The following CADPS variants were observed in gnomAD, a reference collection of about 807,000 sequenced individuals.
CADPS encodes calcium dependent secretion activator.
In CADPS, 57 loss-of-function variants were observed where a neutral mutation model predicts 167.3. The ratio of observed to expected loss-of-function variants is 0.34; its 90% confidence interval spans 0.28 to 0.42. The LOEUF is 0.42. CADPS is among the 20% of genes least tolerant of loss of function. The probability of loss-of-function intolerance (pLI) is 1.00; values close to 1 mark genes in which losing one functional copy is unlikely to be tolerated. For missense variants in CADPS, 1,414 were observed against 1,738.1 expected (o/e 0.81, Z 3.32); for synonymous variants, 676 against 635.3 (o/e 1.06, Z -0.96).
chr3:62,581,426 A>G (rs930211167), intron 8 of CADPS, among the ~76,000 whole-genome samples: 1 of 149,216 alleles, frequency 6.7e-6, no homozygotes, highest in Non-Finnish European at 1.5e-5. Flanking sequence ...AAGGACATTA[A>G]ATTTTGAACC....
intron 9 of CADPS, among the ~76,000 whole-genome samples, chr3:62,558,952 G>T (rs774049027): frequency 1.3e-5 from 2 of 152,194 alleles, no homozygotes; most frequent in Non-Finnish European, 2.9e-5. Flanking sequence ...GGAAGGTTAA[G>T]AGTGTAGGCT....
chr3:62,677,522 A>G (rs778084782), intron 3 of CADPS, among the ~76,000 whole-genome samples: 1 of 152,078 alleles, frequency 6.6e-6, no homozygotes, highest in South Asian at 2.1e-4. Context: ...TGCCACTGCC[A>G]ATAGTGGGTA....
rs146998598 is a variant in CADPS, at chr3:62,874,712, C to G, written c.318G>C (p.Glu106Asp). Residue 106 changes from glutamate (E) to aspartate (D), a missense_variant, in exon 1 of 30, where the codon GAG becomes GAC. Around this residue, in one of 6 missense-constraint regions of CADPS, gnomAD observed 522 missense variants for 559.5 expected, o/e 0.93. Transcript: ENST00000383710. The surrounding 1 kb of genome is among the most constrained non-coding windows in gnomAD (Gnocchi z 7.1). Reference protein sequence around the residue: ...VVSEKEKEELERLQKEEEERK... With the variant: ...VVSEKEKEELDRLQKEEEERK... ...TCTCCTCCTCCTCTTTCTGCAGCCG[C>G]TCCAACTCTTCCTTCTCCTTCTCGC... The G allele has an allele frequency of 6.0e-4, 930 of 1,544,056 alleles. 5 individuals are homozygous for G. In the Admixed American group the frequency reaches 0.015, roughly 25 times the overall value.
chr3:62,464,866 G>T (rs922037545), intron 26 of CADPS, among the ~76,000 whole-genome samples: 7 of 151,786 alleles, frequency 4.6e-5, no homozygotes, highest in Non-Finnish European at 1.0e-4. Flanking sequence ...TGCTATGCAG[G>T]CACCCCCAGA....
chr3:62,546,006 G>A (rs1358859836), intron 11 of CADPS, among the ~76,000 whole-genome samples: 1 of 152,090 alleles, frequency 6.6e-6, no homozygotes, highest in African/African-American at 2.4e-5. Flanking sequence ...AGCAAGAAAG[G>A]CAAGTACTTT....
intron 5 of CADPS, among the ~76,000 whole-genome samples, chr3:62,647,841 C>T (rs1392532795): frequency 2.6e-5 from 4 of 152,160 alleles, no homozygotes; most frequent in African/African-American, 9.7e-5. Context: ...CTGCAAATAC[C>T]TGAAAAGACT....
Position 62,874,885 on chromosome 3 carries a change from C to A in CADPS, c.145G>T (p.Gly49Trp), listed in dbSNP as rs1288222212. The change falls in exon 1 of 30, where the codon GGG becomes TGG. Residue 49 changes from glycine to tryptophan, a missense_variant. Around this residue, in one of 6 missense-constraint regions of CADPS, gnomAD observed 522 missense variants for 559.5 expected, o/e 0.93. Transcript: ENST00000383710. The surrounding 1 kb of genome is among the most constrained non-coding windows in gnomAD (Gnocchi z 7.1). ...GCTCCGGCGCCGGCGCCGCCGCCCC[C>A]CAGCCCGGCGCTGCCGGCCGAGCCC... Reference protein sequence around the residue: ...SEGSAGSAGLGGGGAGAGAGV... With the variant: ...SEGSAGSAGLWGGGAGAGAGV... The A allele has an allele frequency of 1.9e-5, 24 of 1,252,866 alleles. No homozygotes were observed. Among genetic ancestry groups the A allele is most frequent in the East Asian group, 7.3e-5 (2 of 27,510 alleles). 77.6% of individuals were successfully genotyped at this position (1,252,866 alleles called of 1,614,324 possible).
intron 29 of CADPS, among the ~76,000 whole-genome samples, chr3:62,402,100 T>G (rs13097826): frequency 6.6e-6 from 1 of 152,076 alleles, no homozygotes; most frequent in African/African-American, 2.4e-5. Flanking sequence ...CTTTCCCGGG[T>G]GGATGCTTTG....
At chr3:62,821,640 CAG>C (rs1271832794) in intron 1 of CADPS, among the ~76,000 whole-genome samples, 1 of 152,158 alleles carries the variant, frequency 6.6e-6, no homozygotes, top group Admixed American at 6.6e-5. Flanking sequence ...AGACACCAGT[CAG>C]AGTCATGCTG....
At chr3:62,638,346 C>G (rs6797857) in intron 6 of CADPS, among the ~76,000 whole-genome samples, 233 of 152,194 alleles carry the variant, frequency 1.5e-3, no homozygotes, top group Non-Finnish European at 2.7e-3. Flanking sequence ...CTATGACATT[C>G]TTTCCTATGT....
In CADPS at chr3:62,815,591, G is replaced by A. The variant is rs139116159; in HGVS notation, c.442-49607C>T. On this transcript the variant is annotated intron_variant, in intron 1 of 29. Transcript: ENST00000383710. ...AATACCACTTCCATAAAAATAATCA[G>A]ACACATGAGAAAGGCAGAAGCTTGC... Among the ~76,000 whole-genome samples the A allele has an allele frequency of 5.0e-3, 759 of 152,196 alleles. 6 individuals are homozygous for A. The highest frequency in any genetic ancestry group is 7.0e-3 in the Non-Finnish European group (473 of 68,010).
intron 6 of CADPS, among the ~76,000 whole-genome samples, chr3:62,605,453 T>C (rs1358910791): frequency 2.0e-5 from 3 of 152,238 alleles, no homozygotes; most frequent in Non-Finnish European, 4.4e-5. Flanking sequence ...TCAGTCTTCA[T>C]GTCTGTAAAG....
At chr3:62,564,525 A>T (rs551416919) in intron 9 of CADPS, among the ~76,000 whole-genome samples, 16 of 152,184 alleles carry the variant, frequency 1.1e-4, no homozygotes, top group Non-Finnish European at 1.9e-4. Flanking sequence ...AGAATATTAC[A>T]GTTTGTACAG....
At chr3:62,631,972 T>C (rs981781249) in intron 6 of CADPS, among the ~76,000 whole-genome samples, 3 of 152,202 alleles carry the variant, frequency 2.0e-5, no homozygotes, top group Admixed American at 6.5e-5. Context: ...GGTGACCAAC[T>C]GTCTGTTTGC....
At chr3:62,669,313 A>G (rs2075091758) in intron 3 of CADPS, among the ~76,000 whole-genome samples, 1 of 152,030 alleles carries the variant, frequency 6.6e-6, no homozygotes, top group Non-Finnish European at 1.5e-5. Flanking sequence ...CCACAGCCCC[A>G]TGTTTTTTTA....
chr3:62,826,429 G>GA (rs1273156162), intron 1 of CADPS, among the ~76,000 whole-genome samples: 1 of 152,088 alleles, frequency 6.6e-6, no homozygotes, highest in Non-Finnish European at 1.5e-5. Context: ...TATTGTTGGG[G>GA]AAAAATGGGG....
intron 8 of CADPS, among the ~76,000 whole-genome samples, chr3:62,578,985 C>A (rs997379962): frequency 2.0e-5 from 3 of 152,044 alleles, no homozygotes; most frequent in African/African-American, 7.2e-5. Flanking sequence ...AAAAAGAGGT[C>A]TAGAACAGTG....
At chr3:62,692,700 A>G (rs895855468) in intron 3 of CADPS, among the ~76,000 whole-genome samples, 2 of 152,020 alleles carry the variant, frequency 1.3e-5, no homozygotes, top group African/African-American at 4.8e-5. Context: ...TAACAATACC[A>G]TCTACCTGGT....
At chr3:62,777,750 G>A (rs897990947) in intron 1 of CADPS, among the ~76,000 whole-genome samples, 4 of 152,144 alleles carry the variant, frequency 2.6e-5, no homozygotes, top group East Asian at 1.9e-4. Context: ...ACACACATGT[G>A]CACATGGAGA....
Sources: gnomAD v4.1 joint callset for allele counts (sites outside exome capture counted in the v4.1 genomes callset) on GRCh38, gnomAD v4.1.1 for gene constraint, gnomAD v4.1.1 regional missense constraint, Gnocchi (gnomAD v3.1) non-coding constraint, MANE v1.5 for transcripts, NCBI Gene and HGNC (gene_info 2026-07-23, HGNC 2026-07-21) for gene names.